Variants in COX7B2 observed in about 807,000 individuals in gnomAD.
The protein encoded by COX7B2 is cytochrome c oxidase subunit 7B2, mitochondrial.
For missense variants in COX7B2, 109 were observed against 95.9 expected, an observed-to-expected ratio of 1.14 and a Z score of -0.57; for synonymous variants, 37 against 32.1, an observed-to-expected ratio of 1.15 and a Z score of -0.51.
At chr4:46,765,799 A>T (rs2109495110) in intron 2 of COX7B2, among the ~76,000 whole-genome samples, 1 of 152,158 alleles carries the variant, frequency 6.6e-6, no homozygotes, top group Non-Finnish European at 1.5e-5. Context: ...CCCAGGATCC[A>T]GGCCCATATT....
At chr4:46,890,524 T>C (rs929768768) in intron 1 of COX7B2, among the ~76,000 whole-genome samples, 7 of 152,190 alleles carry the variant, frequency 4.6e-5, no homozygotes, top group Non-Finnish European at 8.8e-5. Flanking sequence ...TCACAGATCT[T>C]ACATTTTATC....
intron 2 of COX7B2, among the ~76,000 whole-genome samples, chr4:46,737,962 G>C (rs1251782196): frequency 6.6e-6 from 1 of 152,078 alleles, no homozygotes; most frequent in East Asian, 1.9e-4. Context: ...AATTTCTTCC[G>C]AGGTTCAAGA....
intron 2 of COX7B2, among the ~76,000 whole-genome samples, chr4:46,754,805 A>T (rs1226989925): frequency 1.4e-5 from 2 of 146,108 alleles, no homozygotes; most frequent in African/African-American, 5.1e-5. Flanking sequence ...ATTAATAAAA[A>T]ATTTCTCACC....
intron 2 of COX7B2, among the ~76,000 whole-genome samples, chr4:46,817,039 G>A (rs1185037775): frequency 6.6e-6 from 1 of 152,126 alleles, no homozygotes; most frequent in Non-Finnish European, 1.5e-5. Context: ...GCTACAGAGT[G>A]GGAAATATTT....
intron 2 of COX7B2, among the ~76,000 whole-genome samples, chr4:46,814,850 T>C (rs1035472103): frequency 6.6e-6 from 1 of 152,212 alleles, no homozygotes; most frequent in Non-Finnish European, 1.5e-5. Flanking sequence ...CATTCTTCTA[T>C]ATCCTTAGTA....
intron 1 of COX7B2, among the ~76,000 whole-genome samples, chr4:46,906,482 TC>T (rs1483168737): frequency 6.6e-6 from 1 of 152,256 alleles, no homozygotes. Context: ...TTTTAACTGT[TC>T]TTAGCTATGT....
At chr4:46,741,640 C>G (rs1714717683) in intron 2 of COX7B2, among the ~76,000 whole-genome samples, 1 of 152,078 alleles carries the variant, frequency 6.6e-6, no homozygotes, top group African/African-American at 2.4e-5. Context: ...TTTTCCTGAA[C>G]TAATCCCAAT....
At chr4:46,763,234 A>G (rs541127190) in intron 2 of COX7B2, among the ~76,000 whole-genome samples, 140 of 140,416 alleles carry the variant, frequency 1.0e-3, no homozygotes, top group African/African-American at 3.5e-3. Flanking sequence ...CATATATATT[A>G]TATATATACA....
chr4:46,871,942 A>G (rs1447085750), intron 1 of COX7B2, among the ~76,000 whole-genome samples: 4 of 152,186 alleles, frequency 2.6e-5, no homozygotes, highest in Non-Finnish European at 5.9e-5. Context: ...AAGAAGAACT[A>G]CCATTCAACC....
At chr4:46,791,485 T>C (rs1718044659) in intron 2 of COX7B2, among the ~76,000 whole-genome samples, 1 of 152,218 alleles carries the variant, frequency 6.6e-6, no homozygotes, top group Non-Finnish European at 1.5e-5. Context: ...GACAAACTGG[T>C]AAATAACGTT....
intron 2 of COX7B2, among the ~76,000 whole-genome samples, chr4:46,767,787 G>A (rs1009558600): frequency 1.3e-5 from 2 of 152,074 alleles, no homozygotes; most frequent in African/African-American, 4.8e-5. Context: ...TAACAATGGA[G>A]ACTAAAAAAA....
intron 2 of COX7B2, among the ~76,000 whole-genome samples, chr4:46,751,461 G>C (rs1715372213): frequency 1.3e-5 from 2 of 151,834 alleles, no homozygotes; most frequent in Non-Finnish European, 2.9e-5. Flanking sequence ...ATCATGTTCA[G>C]TTTAGAGCAA....
intron 2 of COX7B2, among the ~76,000 whole-genome samples, chr4:46,763,775 C>T (rs1274080325): frequency 6.6e-6 from 1 of 152,144 alleles, no homozygotes; most frequent in East Asian, 1.9e-4. Flanking sequence ...ACACTTGAAG[C>T]TGCATAAACA....
At chr4:46,869,138 C>A (rs1333694902) in intron 1 of COX7B2, among the ~76,000 whole-genome samples, 1 of 152,022 alleles carries the variant, frequency 6.6e-6, no homozygotes, top group Non-Finnish European at 1.5e-5. Context: ...CTTTCTTTGT[C>A]TTTTTTGATC....
At position 46,761,924 on chromosome 4, in the gene COX7B2, CT is replaced by C. The variant is rs34710310; in HGVS notation, c.-49-26684del. Among the ~76,000 whole-genome samples the C allele has an allele frequency of 8.1e-3, 1,191 of 146,204 alleles. 14 individuals carry two copies. Among genetic ancestry groups the C allele is most frequent in the African/African-American group, 0.026 (1,045 of 40,108 alleles). ...CAACTGCTGCCTACTCACCTACTGTCTTTTTTTTTTTAAAACCATTGAGTGA... is the reference window on the plus strand; with the variant it reads ...CAACTGCTGCCTACTCACCTACTGTCTTTTTTTTTTAAAACCATTGAGTGA... On this transcript the variant is annotated intron_variant, in intron 2 of 2. Transcript: ENST00000355591.
rs56248005 is a variant in COX7B2, at chr4:46,754,728, G to GTA, written c.-49-19489_-49-19488dup. Among the ~76,000 whole-genome samples the GTA allele has an allele frequency of 9.0e-4, 36 of 39,862 alleles. 2 individuals carry two copies. The highest frequency in any genetic ancestry group is 7.8e-3 in the South Asian group (4 of 510). 26.2% of individuals were successfully genotyped at this position (39,862 alleles called of 152,430 possible). On this transcript the variant is annotated intron_variant, in intron 2 of 2. Coordinates refer to ENST00000355591, the MANE Select transcript of COX7B2 (RefSeq NM_130902.3). ...TGTGTGTGTGTGTGTGTGTGTGTGT[G>GTA]TATATATATATATATATATATGAAA...
chr4:46,893,430 G>A (rs919072922), intron 1 of COX7B2, among the ~76,000 whole-genome samples: 4 of 152,152 alleles, frequency 2.6e-5, no homozygotes, highest in African/African-American at 9.7e-5. Context: ...ACTAGCCTGT[G>A]AGTTCTCTAA....
At chr4:46,736,040 T>C (rs961290684) in intron 2 of COX7B2, among the ~76,000 whole-genome samples, 1 of 152,192 alleles carries the variant, frequency 6.6e-6, no homozygotes, top group Non-Finnish European at 1.5e-5. Context: ...CCAAAGTCCA[T>C]AGTTTACATG....
intron 2 of COX7B2, among the ~76,000 whole-genome samples, chr4:46,788,503 A>C (rs1187387938): frequency 6.6e-6 from 1 of 152,206 alleles, no homozygotes; most frequent in Non-Finnish European, 1.5e-5. Context: ...GTAAGGAGTC[A>C]GAAATTTAAA....
Sources: gnomAD v4.1 joint callset for allele counts (sites outside exome capture counted in the v4.1 genomes callset) on GRCh38, gnomAD v4.1.1 for gene constraint, MANE v1.5 for transcripts, NCBI Gene and HGNC (gene_info 2026-07-23, HGNC 2026-07-21) for gene names.